Variants in VPS13B observed in about 807,000 individuals in gnomAD.
VPS13B encodes intermembrane lipid transfer protein VPS13B.
A neutral mutation model predicts 426.4 loss-of-function variants in VPS13B; 285 were observed. That is an observed-to-expected ratio of 0.67 (90% CI 0.61 to 0.74). The LOEUF (loss-of-function observed/expected upper bound fraction) is 0.74. VPS13B is among the 30% of genes least tolerant of loss of function. The pLI is 0.00. For synonymous variants in VPS13B, 1,676 were observed against 1,676.4 expected (o/e 1.00, Z 0.01); for missense variants, 4,537 against 4,782.6 (o/e 0.95, Z 1.51).
At chr8:99,327,115 C>T (rs1487927277) in intron 19 of VPS13B, among the ~76,000 whole-genome samples, 1 of 152,060 alleles carries the variant, frequency 6.6e-6, no homozygotes, top group African/African-American at 2.4e-5. Context: ...CAAAGGTGTA[C>T]CCCTTGGGTC....
intron 19 of VPS13B, among the ~76,000 whole-genome samples, chr8:99,372,306 A>G (rs1241281327): frequency 1.3e-5 from 2 of 152,126 alleles, no homozygotes; most frequent in Non-Finnish European, 2.9e-5. Flanking sequence ...GCCAAAATCA[A>G]CAAATGGGAT....
At chr8:99,378,778 CAGT>C (rs1185067587) in intron 19 of VPS13B, among the ~76,000 whole-genome samples, 1 of 152,138 alleles carries the variant, frequency 6.6e-6, no homozygotes, top group African/African-American at 2.4e-5. Context: ...CTCTTATTAA[CAGT>C]GGTTTATTTT....
chr8:99,575,730 A>T lies in VPS13B; in HGVS notation c.5022A>T (p.Gly1674=), dbSNP rs1270977455. The change falls in exon 32 of 62, where the codon GGA becomes GGT. Residue 1674 remains glycine (G), a synonymous_variant. Transcript: ENST00000357162. Reference sequence around the variant, plus strand: ...CAGATTTTTCTGTCCGAATAACTGGAGCACCTGCTGTCATTTTCACCAAAG... The same window carrying T: ...CAGATTTTTCTGTCCGAATAACTGGTGCACCTGCTGTCATTTTCACCAAAG... ...VLTDFSVRIT[G]APAVIFTKVV... is the part of the protein sequence containing the mutation. 1 of 1,613,872 alleles carries T rather than the reference A, an allele frequency of 6.2e-7. No individual in the cohort carries two copies. The highest frequency in any genetic ancestry group is 1.1e-5 in the South Asian group (1 of 91,074).
chr8:99,115,721 T>G lies in VPS13B; in HGVS notation c.784T>G (p.Leu262Val), dbSNP rs1291066100. ...VIKIHTLVES[L>V]KLSITDQQLP... ...GCAGATTCATACTTTAGTGGAAAGT[T>G]TGAAACTTTCTATCACAGATCAACA... The change falls in exon 7 of 62, where the codon TTG (leucine) becomes GTG (valine). Residue 262 changes from leucine to valine, a missense_variant. Around this residue, in one of 2 missense-constraint regions of VPS13B, gnomAD observed 4,311 missense variants for 4,474.3 expected, o/e 0.96. Transcript: ENST00000357162. 1 of 1,612,856 alleles carries G rather than the reference T, an allele frequency of 6.2e-7. No homozygotes were observed. Among genetic ancestry groups the G allele is most frequent in the Non-Finnish European group, 8.5e-7 (1 of 1,179,474 alleles).
chr8:99,124,086 AG>A (rs1351813481), intron 8 of VPS13B, among the ~76,000 whole-genome samples: 1 of 152,196 alleles, frequency 6.6e-6, no homozygotes, highest in Non-Finnish European at 1.5e-5. Context: ...TGGAAAGATG[AG>A]GAAGAAATAG....
chr8:99,721,950 A>AT (rs895890247), intron 39 of VPS13B, among the ~76,000 whole-genome samples: 10 of 152,200 alleles, frequency 6.6e-5, no homozygotes, highest in African/African-American at 2.2e-4. Flanking sequence ...CTAAACTGAT[A>AT]TTTTTTAAAT....
intron 16 of VPS13B, among the ~76,000 whole-genome samples, chr8:99,191,927 T>A (rs1001035235): frequency 2.0e-5 from 3 of 152,204 alleles, no homozygotes; most frequent in Non-Finnish European, 4.4e-5. Flanking sequence ...ACAAGAGAAG[T>A]TCTGTACTCT....
chr8:99,723,151 C>CA lies in VPS13B; in HGVS notation c.7050+2106dup, dbSNP rs202225701. On this transcript the variant is annotated intron_variant, in intron 39 of 61. Coordinates refer to ENST00000357162, the MANE Select transcript of VPS13B (RefSeq NM_152564.5). ...CACTTGCAAACATTGTCACATTAGACAAGTAACAACCACTCAGGTTGGATT... is the reference window on the plus strand; with the variant it reads ...CACTTGCAAACATTGTCACATTAGACAAAGTAACAACCACTCAGGTTGGATT... Among the ~76,000 whole-genome samples the CA allele has an allele frequency of 2.5e-4, 38 of 152,286 alleles. No individual in the cohort carries two copies. The East Asian group carries it at 7.1e-3, about 29-fold the overall frequency.
intron 23 of VPS13B, among the ~76,000 whole-genome samples, chr8:99,459,144 T>C (rs1818697473): frequency 6.6e-6 from 1 of 152,192 alleles, no homozygotes; most frequent in Admixed American, 6.5e-5. Flanking sequence ...ACGTCTAGCA[T>C]ATGGTCTGTT....
intron 2 of VPS13B, among the ~76,000 whole-genome samples, chr8:99,035,461 T>C (rs1842700272): frequency 6.6e-6 from 1 of 152,244 alleles, no homozygotes; most frequent in South Asian, 2.1e-4. Context: ...TTTACCATAA[T>C]GTCCTCATGT....
At chr8:99,478,001 C>A (rs1443957601) in intron 24 of VPS13B, among the ~76,000 whole-genome samples, 1 of 151,558 alleles carries the variant, frequency 6.6e-6, no homozygotes, top group Non-Finnish European at 1.5e-5. Flanking sequence ...GTAATCCCAG[C>A]GACTTGGTAG....
At chr8:99,790,414 A>G (rs1380685129) in intron 43 of VPS13B, among the ~76,000 whole-genome samples, 1 of 152,068 alleles carries the variant, frequency 6.6e-6, no homozygotes, top group African/African-American at 2.4e-5. Context: ...ATTTTCATGT[A>G]TTACTTATTG....
chr8:99,340,673 G>C (rs1446308563), intron 19 of VPS13B: 1 of 402,510 alleles, frequency 2.5e-6, no homozygotes, highest in African/African-American at 2.1e-5. Flanking sequence ...CTGAGGAATA[G>C]TTGAAGATGA....
At chr8:99,566,843 A>G (rs1043916271) in intron 31 of VPS13B, among the ~76,000 whole-genome samples, 3 of 152,240 alleles carry the variant, frequency 2.0e-5, no homozygotes, top group Non-Finnish European at 4.4e-5. Flanking sequence ...TTTATACATT[A>G]TCCTGTATAA....
intron 33 of VPS13B, among the ~76,000 whole-genome samples, chr8:99,638,026 T>C (rs542303190): frequency 7.9e-5 from 12 of 152,248 alleles, no homozygotes; most frequent in South Asian, 6.2e-4. Context: ...ACTTTTCACA[T>C]GTTATGTGAG....
chr8:99,347,428 TG>T, intron 19 of VPS13B: 1 of 170,826 alleles, frequency 5.9e-6, no homozygotes, highest in Non-Finnish European at 1.3e-5. Context: ...TATCTTGGAT[TG>T]GCATTGTCTC....
intron 19 of VPS13B, among the ~76,000 whole-genome samples, chr8:99,335,611 A>G (rs561419255): frequency 6.6e-6 from 1 of 152,108 alleles, no homozygotes; most frequent in Non-Finnish European, 1.5e-5. Flanking sequence ...ATATCTAGAA[A>G]ACCCCATTGT....
At chr8:99,820,271 A>G (rs1814285161) in intron 49 of VPS13B, 149 bp downstream of exon 49, 1 of 741,896 alleles carries the variant, frequency 1.3e-6, no homozygotes, top group South Asian at 1.8e-5. Context: ...GTTCTTTGAT[A>G]TTCAAGGACT....
Position 99,135,090 on chromosome 8 carries a change from A to G in VPS13B, c.1378A>G (p.Ile460Val). ...VGCRAMCLKGIMGVKDFEENM... is the reference protein window; with the variant it reads ...VGCRAMCLKGVMGVKDFEENM... The stretch of plus-strand genomic sequence containing the variant: ...TTGCAGAGCCATGTGCCTTAAAGGA[A>G]TTATGGGTGTTAAAGATTTTGAAGA... Residue 460 changes from isoleucine (I) to valine (V), a missense_variant, in exon 10 of 62, where the codon ATT (isoleucine) becomes GTT (valine). Transcript: ENST00000357162. 1 of 1,613,602 alleles carries G rather than the reference A, an allele frequency of 6.2e-7. No individual in the cohort carries two copies. The highest frequency in any genetic ancestry group is 8.5e-7 in the Non-Finnish European group (1 of 1,179,608).
Sources: allele counts gnomAD v4.1 joint callset (sites outside exome capture counted in the v4.1 genomes callset), GRCh38; gene constraint gnomAD v4.1.1; regional missense constraint gnomAD v4.1.1; transcripts MANE v1.5; gene names NCBI Gene and HGNC (gene_info 2026-07-23, HGNC 2026-07-21).